The following PCYT1B variants were observed in gnomAD, a reference collection of about 807,000 sequenced individuals.
The protein encoded by PCYT1B is phosphate cytidylyltransferase 1B, choline.
PCYT1B carries 10 observed loss-of-function variants against 26.4 expected under a neutral mutation model. The observed-to-expected ratio is 0.38, with a 90% confidence interval of 0.23 to 0.64. PCYT1B has a LOEUF of 0.64. Ranked by LOEUF, PCYT1B falls within the 30% of genes least tolerant of loss-of-function variation. PCYT1B has a pLI of 0.56. For missense variants in PCYT1B, 161 were observed against 292.7 expected (o/e 0.55, Z 3.28); for synonymous variants, 131 against 108.4 (o/e 1.21, Z -1.29).
At chrX:24,622,628 G>A (rs1050785006) in intron 1 of PCYT1B, among the ~76,000 whole-genome samples, 2 of 112,305 alleles carry the variant, frequency 1.8e-5, no homozygotes, top group South Asian at 3.7e-4. Context: ...TGTATCCATC[G>A]ATATACTAAG....
At chrX:24,592,148 A>G (rs1005142562) in intron 3 of PCYT1B, among the ~76,000 whole-genome samples, 1 of 111,914 alleles carries the variant, frequency 8.9e-6, no homozygotes, top group Non-Finnish European at 1.9e-5. Context: ...TATAAACACA[A>G]AGAAATACTA....
chrX:24,605,704 C>A (rs938394550), intron 3 of PCYT1B, among the ~76,000 whole-genome samples: 8 of 111,593 alleles, frequency 7.2e-5, no homozygotes, highest in African/African-American at 2.6e-4. Flanking sequence ...GTGGGTGGAT[C>A]ACCTGAGGCC....
chrX:24,601,624 A>T (rs965202838), intron 3 of PCYT1B, among the ~76,000 whole-genome samples: 2 of 112,009 alleles, frequency 1.8e-5, no homozygotes, highest in Non-Finnish European at 3.8e-5. Context: ...GCTGGATTTT[A>T]AAAAATGGGC....
At chrX:24,665,080 A>C (rs1009613585) in intron 1 of PCYT1B, among the ~76,000 whole-genome samples, 3 of 112,008 alleles carry the variant, frequency 2.7e-5, no homozygotes, top group African/African-American at 9.7e-5. Context: ...AGATATCTTA[A>C]GTTTTCACTC....
intron 2 of PCYT1B, among the ~76,000 whole-genome samples, chrX:24,615,868 C>G (rs930657296): frequency 4.5e-5 from 5 of 111,863 alleles, no homozygotes; most frequent in Non-Finnish European, 9.4e-5. Context: ...TCACTTAGCT[C>G]CATGGCCTGC....
intron 1 of PCYT1B, among the ~76,000 whole-genome samples, chrX:24,672,387 C>G (rs186673713): frequency 1.2e-3 from 133 of 111,601 alleles, no homozygotes; most frequent in African/African-American, 3.5e-3. Flanking sequence ...AAATATTAGT[C>G]ACAATTTGTT....
intron 1 of PCYT1B, among the ~76,000 whole-genome samples, chrX:24,671,761 G>A (rs758740278): frequency 9.0e-6 from 1 of 111,033 alleles, no homozygotes; most frequent in Non-Finnish European, 1.9e-5. Flanking sequence ...CATCATCTGG[G>A]GTCCTTCTTA....
chrX:24,643,157 G>A (rs939232937), intron 1 of PCYT1B, among the ~76,000 whole-genome samples: 1 of 111,389 alleles, frequency 9.0e-6, no homozygotes, highest in Admixed American at 9.6e-5. Context: ...GGGTGGCTGG[G>A]CCTTGTTAGA....
intron 1 of PCYT1B, among the ~76,000 whole-genome samples, chrX:24,635,173 C>A (rs772594773): frequency 1.8e-5 from 2 of 111,792 alleles, no homozygotes; most frequent in South Asian, 7.4e-4. Context: ...TTACATGTAA[C>A]GATAAATGTT....
intron 2 of PCYT1B, 114 bp from the exon 3 acceptor site, chrX:24,607,975 T>A: frequency 2.3e-6 from 1 of 443,037 alleles, no homozygotes; most frequent in Non-Finnish European, 4.0e-6. Flanking sequence ...TACCATCAGT[T>A]TCATATCAGT....
intron 1 of PCYT1B, among the ~76,000 whole-genome samples, chrX:24,661,866 A>G (rs975443954): frequency 1.8e-5 from 2 of 112,289 alleles, no homozygotes; most frequent in Non-Finnish European, 3.8e-5. Flanking sequence ...TTATTTAGGT[A>G]TAATAATGAT....
intron 1 of PCYT1B, among the ~76,000 whole-genome samples, chrX:24,623,364 C>CATATATATATATATATATATAT (rs57642734): frequency 1.3e-5 from 1 of 79,669 alleles, no homozygotes; most frequent in Non-Finnish European, 2.4e-5. Context: ...ATGAGATTTA[C>CATATATATATATATATATATAT]ATATATATAT....
intron 5 of PCYT1B, 123 bp downstream of exon 5, chrX:24,587,118 G>A (rs1028742966): frequency 8.3e-6 from 4 of 482,027 alleles, no homozygotes; most frequent in African/African-American, 4.7e-5. Context: ...GCCGCCTGGG[G>A]GACACCTAAA....
chrX:24,627,478 C>T (rs747366433), intron 1 of PCYT1B, among the ~76,000 whole-genome samples: 21 of 111,484 alleles, frequency 1.9e-4, no homozygotes, highest in African/African-American at 6.8e-4. Flanking sequence ...GGACTACAGG[C>T]GTGTGCCACC....
chrX:24,646,024 T>C lies in PCYT1B; in HGVS notation c.117+965A>G, dbSNP rs200497306. 8.9e-5 allele frequency among the ~76,000 whole-genome samples: 10 copies of C among 111,993 alleles called. No individual in the cohort carries two copies. In the East Asian group the frequency reaches 2.5e-3, roughly 28 times the overall value. On this transcript the variant is annotated intron_variant, in intron 1 of 7. Coordinates refer to ENST00000379144, the MANE Select transcript of PCYT1B (RefSeq NM_004845.5). ...CAAACTCCACAGCCAATCAAAATAT[T>C]CCACCTTTTAACTTGAGGGAAATCG...
At chrX:24,645,072 A>T (rs978452845) in intron 1 of PCYT1B, among the ~76,000 whole-genome samples, 1 of 110,958 alleles carries the variant, frequency 9.0e-6, no homozygotes, top group Non-Finnish European at 1.9e-5. Context: ...TTAAAAAAAC[A>T]AGAAAGTAAC....
chrX:24,647,366 T>G, upstream of PCYT1B: 1 of 773,759 alleles, frequency 1.3e-6, no homozygotes, highest in Non-Finnish European at 1.7e-6. Flanking sequence ...TGGTGCGGGA[T>G]ACAGTATCTC....
intron 3 of PCYT1B, among the ~76,000 whole-genome samples, chrX:24,602,826 T>C (rs1925010853): frequency 9.0e-6 from 1 of 111,716 alleles, no homozygotes; most frequent in Non-Finnish European, 1.9e-5. Context: ...TTATTTGAGA[T>C]GGCGTCTCGC....
intron 4 of PCYT1B, among the ~76,000 whole-genome samples, chrX:24,589,741 G>A (rs1470083970): frequency 9.0e-6 from 1 of 111,552 alleles, no homozygotes; most frequent in Non-Finnish European, 1.9e-5. Flanking sequence ...AGCGAGTACA[G>A]TGTGGTTAGA....
Sources: gnomAD v4.1 joint callset for allele counts (sites outside exome capture counted in the v4.1 genomes callset) on GRCh38, gnomAD v4.1.1 for gene constraint, MANE v1.5 for transcripts, NCBI Gene and HGNC (gene_info 2026-07-23, HGNC 2026-07-21) for gene names.